Variants in EFCAB13 observed in about 807,000 individuals in gnomAD.
EFCAB13 encodes EF-hand calcium-binding domain-containing protein 13.
In EFCAB13, 91 loss-of-function variants were observed where a neutral mutation model predicts 110.2. The ratio of observed to expected loss-of-function variants is 0.83; its 90% CI spans 0.70 to 0.98. The LOEUF (loss-of-function observed/expected upper bound fraction) is 0.98. EFCAB13 is among the 50% of genes least tolerant of loss of function. The pLI is 0.00. For synonymous variants in EFCAB13, 323 were observed against 369.9 expected, an observed-to-expected ratio of 0.87 and a Z score of 1.45; for missense variants, 968 against 1,119.4, an observed-to-expected ratio of 0.86 and a Z score of 1.93.
chr17:47,334,152 T>C (rs1209955596), intron 4 of EFCAB13, among the ~76,000 whole-genome samples: 1 of 151,982 alleles, frequency 6.6e-6, no homozygotes, highest in East Asian at 1.9e-4. Flanking sequence ...AATTTCATCA[T>C]TCTAACAGGT....
chr17:47,380,657 C>T (rs2065642082), intron 14 of EFCAB13, among the ~76,000 whole-genome samples: 1 of 152,196 alleles, frequency 6.6e-6, no homozygotes, highest in Non-Finnish European at 1.5e-5. Context: ...AATCGCCACA[C>T]TTCTTCCACA....
intron 14 of EFCAB13, among the ~76,000 whole-genome samples, chr17:47,387,007 G>A (rs1262580620): frequency 2.0e-5 from 3 of 152,018 alleles, no homozygotes; most frequent in Non-Finnish European, 2.9e-5. Flanking sequence ...AGCAGGGTAC[G>A]TCAGTTGGAA....
At chr17:47,375,992 T>C (rs117900456) in intron 12 of EFCAB13, among the ~76,000 whole-genome samples, 6,372 of 152,292 alleles carry the variant, frequency 0.042, 192 homozygotes, top group Middle Eastern at 0.15. Flanking sequence ...TTTTCTCTCC[T>C]TGTATTACTT....
At chr17:47,405,927 T>A (rs2065802981) in intron 20 of EFCAB13, among the ~76,000 whole-genome samples, 1 of 151,982 alleles carries the variant, frequency 6.6e-6, no homozygotes, top group African/African-American at 2.4e-5. Context: ...TTTTTCTTAC[T>A]GGGTAATAAA....
In EFCAB13 at chr17:47,377,438, A is replaced by T. The variant is rs142703575; in HGVS notation, c.1373-328A>T. 6.4e-4 allele frequency among the ~76,000 whole-genome samples: 97 copies of T among 152,314 alleles called. No homozygotes were observed. In the East Asian group the frequency reaches 0.014, roughly 22 times the overall value. On this transcript the variant is annotated intron_variant, in intron 12 of 24. Coordinates refer to ENST00000331493, the MANE Select transcript of EFCAB13 (RefSeq NM_152347.5). ...TGGCTTCCCGAAGTGCCGTGATTAT[A>T]GGCAGGAGCCACCATACCTGGCCCC...
intron 14 of EFCAB13, among the ~76,000 whole-genome samples, chr17:47,383,897 A>G (rs1796566236): frequency 6.6e-6 from 1 of 152,018 alleles, no homozygotes; most frequent in Admixed American, 6.6e-5. Flanking sequence ...ATCCTTATTA[A>G]TTTTTTGTTT....
chr17:47,397,920 G>A (rs1172854805), intron 17 of EFCAB13, among the ~76,000 whole-genome samples: 2 of 150,670 alleles, frequency 1.3e-5, no homozygotes. Flanking sequence ...GGAGGGAGGT[G>A]GGGGTCAGCC....
chr17:47,338,692 A>C (rs2065366366), intron 5 of EFCAB13, among the ~76,000 whole-genome samples: 1 of 152,088 alleles, frequency 6.6e-6, no homozygotes, highest in African/African-American at 2.4e-5. Context: ...TAGAAAATTT[A>C]CTTTTGACTG....
chr17:47,349,967 G>C (rs980531275), intron 9 of EFCAB13, among the ~76,000 whole-genome samples: 1 of 151,332 alleles, frequency 6.6e-6, no homozygotes, highest in South Asian at 2.1e-4. Context: ...GTAGAGACGG[G>C]GTTTCACCTT....
chr17:47,352,266 G>A (rs2065457984), intron 9 of EFCAB13, among the ~76,000 whole-genome samples: 1 of 152,026 alleles, frequency 6.6e-6, no homozygotes, highest in African/African-American at 2.4e-5. Flanking sequence ...AGTTGATTTT[G>A]TATATGGTGG....
chr17:47,429,599 A>T (rs1369925475), intron 23 of EFCAB13, among the ~76,000 whole-genome samples: 1 of 152,226 alleles, frequency 6.6e-6, no homozygotes, highest in East Asian at 1.9e-4. Context: ...TAATCTGGTA[A>T]AGTGAAATTG....
chr17:47,343,309 C>A (rs1002866472), intron 6 of EFCAB13, among the ~76,000 whole-genome samples: 3 of 152,018 alleles, frequency 2.0e-5, no homozygotes, highest in African/African-American at 7.2e-5. Flanking sequence ...GTTTCCCTGG[C>A]CCATATATTT....
At chr17:47,383,379 C>T (rs1034845786) in intron 14 of EFCAB13, among the ~76,000 whole-genome samples, 4 of 152,204 alleles carry the variant, frequency 2.6e-5, no homozygotes, top group East Asian at 3.9e-4. Context: ...GTTAGGGTGT[C>T]GATTTTAGAT....
At chr17:47,359,630 T>C in intron 9 of EFCAB13, among the ~76,000 whole-genome samples, 1 of 151,746 alleles carries the variant, frequency 6.6e-6, no homozygotes, top group South Asian at 2.1e-4. Context: ...AATTTTTTTT[T>C]TATTATTATT....
chr17:47,378,525 A>G (rs981336443), intron 13 of EFCAB13, among the ~76,000 whole-genome samples: 2 of 152,226 alleles, frequency 1.3e-5, no homozygotes, highest in African/African-American at 4.8e-5. Context: ...GAATAACATT[A>G]GAAGTGAATC....
At chr17:47,420,809 G>A (rs1362647856) in intron 23 of EFCAB13, among the ~76,000 whole-genome samples, 2 of 152,188 alleles carry the variant, frequency 1.3e-5, no homozygotes, top group Non-Finnish European at 2.9e-5. Flanking sequence ...CCATCCGGGA[G>A]GGAGGTGGGG....
chr17:47,377,134 G>T (rs572301436), intron 12 of EFCAB13, among the ~76,000 whole-genome samples: 1 of 151,880 alleles, frequency 6.6e-6, no homozygotes, highest in South Asian at 2.1e-4. Flanking sequence ...AAAACACTTC[G>T]GTATTTTTAT....
intron 23 of EFCAB13, among the ~76,000 whole-genome samples, chr17:47,427,816 T>C (rs115918889): frequency 0.012 from 1,828 of 152,194 alleles, 41 homozygotes; most frequent in African/African-American, 0.042. Flanking sequence ...AATTATCTTT[T>C]TAAAAAACAT....
intron 10 of EFCAB13, among the ~76,000 whole-genome samples, 168 bp from the exon 11 acceptor site, chr17:47,370,269 G>A (rs964616127): frequency 1.3e-5 from 2 of 152,142 alleles, no homozygotes; most frequent in South Asian, 2.1e-4. Flanking sequence ...TATGTTGGGC[G>A]TGTACTGAGT....
Sources: gnomAD v4.1 joint callset for allele counts (sites outside exome capture counted in the v4.1 genomes callset) on GRCh38, gnomAD v4.1.1 for gene constraint, MANE v1.5 for transcripts, NCBI Gene and HGNC (gene_info 2026-07-23, HGNC 2026-07-21) for gene names.